Variants in TMTC2 observed in about 807,000 individuals in gnomAD.
TMTC2 encodes the protein protein O-mannosyl-transferase TMTC2.
Under a neutral mutation model 82.4 loss-of-function variants are expected in TMTC2, and 43 were observed. The observed-to-expected ratio is 0.52, with a 90% CI of 0.41 to 0.67. The LOEUF is 0.67. Among genes scored for constraint, TMTC2 ranks in the 30% least tolerant of loss-of-function variants. TMTC2 has a pLI of 0.00. For synonymous variants in TMTC2, 408 were observed against 381.9 expected, an observed-to-expected ratio of 1.07 and a Z score of -0.80; for missense variants, 919 against 1,012.4, an observed-to-expected ratio of 0.91 and a Z score of 1.25.
intron 3 of TMTC2, among the ~76,000 whole-genome samples, chr12:82,907,178 T>C (rs554185200): frequency 2.8e-4 from 43 of 152,078 alleles, no homozygotes; most frequent in African/African-American, 9.6e-4. Flanking sequence ...TAAGAATGAA[T>C]TGGGGCCGGG....
intron 11 of TMTC2, among the ~76,000 whole-genome samples, chr12:83,070,874 G>T (rs184979098): frequency 3.9e-5 from 6 of 152,036 alleles, no homozygotes; most frequent in Admixed American, 3.3e-4. Flanking sequence ...CTTGTATGCC[G>T]ATTTGCTGAG....
chr12:82,747,091 A>G (rs775211496), intron 1 of TMTC2, among the ~76,000 whole-genome samples: 3 of 152,214 alleles, frequency 2.0e-5, no homozygotes, highest in Non-Finnish European at 4.4e-5. Context: ...TCTGACCTAC[A>G]GAACTGTGAG....
At position 83,115,518 on chromosome 12, in the gene TMTC2, T is replaced by C. The variant is rs140084882; in HGVS notation, c.2332-16692T>C. ...ATCAGATATCTTCTTATATAGAACT[T>C]TTATTTAGCAGTTTTACTTCAAATG... is the stretch of plus-strand genomic sequence containing the variant. On this transcript the variant is annotated intron_variant, in intron 11 of 11. Coordinates refer to ENST00000321196, the MANE Select transcript of TMTC2 (RefSeq NM_152588.3). Among the ~76,000 whole-genome samples, 107 of 152,340 alleles carry C rather than the reference T, an allele frequency of 7.0e-4. No individual in the cohort carries two copies. In the Middle Eastern group the frequency reaches 0.014, roughly 19 times the overall value.
At chr12:82,815,358 T>C (rs929630641) in intron 1 of TMTC2, among the ~76,000 whole-genome samples, 13 of 151,702 alleles carry the variant, frequency 8.6e-5, no homozygotes, top group African/African-American at 3.1e-4. Context: ...TCCCCCAGGC[T>C]GGAGTGCAAT....
chr12:83,070,498 C>T (rs920945252), intron 11 of TMTC2, among the ~76,000 whole-genome samples: 3 of 151,626 alleles, frequency 2.0e-5, no homozygotes, highest in African/African-American at 7.3e-5. Context: ...TGCTTGGTTG[C>T]TGTTGGTGTA....
At chr12:82,902,111 G>A (rs1194462096) in intron 3 of TMTC2, among the ~76,000 whole-genome samples, 1 of 152,062 alleles carries the variant, frequency 6.6e-6, no homozygotes, top group African/African-American at 2.4e-5. Flanking sequence ...CGGAGTTAGT[G>A]GTCTTTTGTC....
intron 9 of TMTC2, among the ~76,000 whole-genome samples, chr12:83,033,695 G>A (rs1200334588): frequency 6.6e-6 from 1 of 151,832 alleles, no homozygotes; most frequent in East Asian, 1.9e-4. Flanking sequence ...AAGTTGCAGT[G>A]AGCCAAGATC....
chr12:82,824,235 T>C (rs2137067413), intron 1 of TMTC2, among the ~76,000 whole-genome samples: 1 of 152,322 alleles, frequency 6.6e-6, no homozygotes, highest in African/African-American at 2.4e-5. Context: ...ATGGATCTTA[T>C]AATGTATGTT....
At chr12:82,905,761 A>G (rs1592616664) in intron 3 of TMTC2, among the ~76,000 whole-genome samples, 1 of 152,228 alleles carries the variant, frequency 6.6e-6, no homozygotes, top group African/African-American at 2.4e-5. Context: ...TCTGGTCAAC[A>G]TGGTGAAAGC....
At chr12:82,749,944 G>A (rs1202312224) in intron 1 of TMTC2, among the ~76,000 whole-genome samples, 2 of 151,904 alleles carry the variant, frequency 1.3e-5, no homozygotes, top group Non-Finnish European at 2.9e-5. Context: ...CACCATGTTG[G>A]TCAGGCTGGT....
intron 1 of TMTC2, among the ~76,000 whole-genome samples, chr12:82,784,031 C>A (rs2137013070): frequency 6.6e-6 from 1 of 152,118 alleles, no homozygotes; most frequent in African/African-American, 2.4e-5. Context: ...TAATTATTAG[C>A]AGACATGAAT....
intron 9 of TMTC2, among the ~76,000 whole-genome samples, chr12:83,048,708 G>A (rs556125693): frequency 5.3e-4 from 81 of 152,202 alleles, no homozygotes; most frequent in Middle Eastern, 3.4e-3. Context: ...TCACTCTGTC[G>A]CCCAGGCTGA....
At chr12:82,715,970 T>C (rs1873875963) in intron 1 of TMTC2, among the ~76,000 whole-genome samples, 1 of 152,190 alleles carries the variant, frequency 6.6e-6, no homozygotes. Context: ...TCATCTACTT[T>C]TGTTATTTTC....
Position 82,713,107 on chromosome 12 carries a change from G to A in TMTC2, c.83+25438G>A, listed in dbSNP as rs574808642. ...GGCCAAGGAGGGCGGATCATCTGAG[G>A]TCAGGGGTTCGAGACCAGCGTGACC... On this transcript the variant is annotated intron_variant, in intron 1 of 11. Coordinates refer to ENST00000321196, the MANE Select transcript of TMTC2 (RefSeq NM_152588.3). 4.6e-5 allele frequency among the ~76,000 whole-genome samples: 7 copies of A among 152,232 alleles called. No homozygotes were observed. In the South Asian group the frequency reaches 1.5e-3, roughly 32 times the overall value.
chr12:82,758,696 T>A (rs966694911), intron 1 of TMTC2: 2 of 152,220 alleles, frequency 1.3e-5, no homozygotes, highest in Non-Finnish European at 2.9e-5. Flanking sequence ...ATCATTTTCC[T>A]TTCAAACAGC....
At chr12:82,974,620 C>T (rs962840924) in intron 7 of TMTC2, among the ~76,000 whole-genome samples, 1 of 152,050 alleles carries the variant, frequency 6.6e-6, no homozygotes, top group Non-Finnish European at 1.5e-5. Context: ...GGCCAAGACT[C>T]CTATAACAAG....
At position 82,829,351 on chromosome 12, in the gene TMTC2, A is replaced by G. The variant is rs1276156065; in HGVS notation, c.84-27659A>G. Among the ~76,000 whole-genome samples the G allele has an allele frequency of 2.0e-5, 3 of 152,162 alleles. 1 individual carries two copies. Among genetic ancestry groups the G allele is most frequent in the East Asian group, 3.9e-4 (2 of 5,190 alleles). On this transcript the variant is annotated intron_variant, in intron 1 of 11. Transcript: ENST00000321196. Reference sequence around the variant, plus strand: ...AATCAGTTGTCCTTACCTCTCTATAATTTTATAGACAAAGCAAGGTCTTTT... The same window carrying G: ...AATCAGTTGTCCTTACCTCTCTATAGTTTTATAGACAAAGCAAGGTCTTTT...
intron 1 of TMTC2, among the ~76,000 whole-genome samples, chr12:82,709,722 T>C (rs1873535731): frequency 1.3e-5 from 2 of 152,204 alleles, no homozygotes; most frequent in South Asian, 4.1e-4. Flanking sequence ...AGAGACACAT[T>C]ATATCCAATG....
intron 7 of TMTC2, among the ~76,000 whole-genome samples, chr12:82,982,780 G>T (rs1878978973): frequency 6.6e-6 from 1 of 151,944 alleles, no homozygotes; most frequent in African/African-American, 2.4e-5. Flanking sequence ...GATTTGGAAA[G>T]TTTATGACTA....
Sources: allele counts gnomAD v4.1 joint callset (sites outside exome capture counted in the v4.1 genomes callset), GRCh38; gene constraint gnomAD v4.1.1; transcripts MANE v1.5; gene names NCBI Gene and HGNC (gene_info 2026-07-23, HGNC 2026-07-21).